The following ATP8B2 variants were observed in gnomAD, a reference collection of about 807,000 sequenced individuals.
ATP8B2 encodes phospholipid-transporting ATPase ID.
ATP8B2 carries 70 observed loss-of-function variants against 133.4 expected under a neutral mutation model. The ratio of observed to expected loss-of-function variants is 0.52; its 90% confidence interval spans 0.43 to 0.64. The LOEUF (loss-of-function observed/expected upper bound fraction) is 0.64, where lower values mean the gene tolerates loss of function less well. Among genes scored for constraint, ATP8B2 ranks in the 30% least tolerant of loss-of-function variants. The probability of loss-of-function intolerance (pLI) is 0.00; values close to 1 mark genes in which losing one functional copy is unlikely to be tolerated. For missense variants in ATP8B2, 1,101 were observed against 1,535.7 expected (o/e 0.72, Z 4.73); for synonymous variants, 517 against 589.5 (o/e 0.88, Z 1.78).
Position 154,330,828 on chromosome 1 carries a change from A to G in ATP8B2, c.104A>G (p.Lys35Arg). 1 of 1,613,972 alleles carries G rather than the reference A, an allele frequency of 6.2e-7. No homozygotes were observed. Among genetic ancestry groups the G allele is most frequent in the Non-Finnish European group, 8.5e-7 (1 of 1,179,856 alleles). ...EKFQYASNCI[K>R]TSKYNILTFL... Reference sequence around the variant, plus strand: ...CTACTGCCATAGAGTAACTGCATCAAGACCTCCAAGTACAATATTCTCACC... The same window carrying G: ...CTACTGCCATAGAGTAACTGCATCAGGACCTCCAAGTACAATATTCTCACC... The change falls in exon 4 of 28, where the codon AAG (lysine) becomes AGG (arginine). Residue 35 changes from lysine (K) to arginine (R), a missense_variant. Transcript: ENST00000368489.
chr1:154,337,569 T>C (rs760369867), intron 12 of ATP8B2, 25 bp downstream of exon 12: 3 of 1,614,148 alleles, frequency 1.9e-6, no homozygotes, highest in Non-Finnish European at 2.5e-6. Context: ...TGACCTGGGG[T>C]CTCTCCAGGG....
chr1:154,341,791 CA>C (rs5777908), intron 13 of ATP8B2: 64,996 of 142,026 alleles, frequency 0.46, 14,230 homozygotes, highest in African/African-American at 0.47. Context: ...GAAAGTCTAT[CA>C]AAAAAAAAAA....
rs1056935749 is a variant in ATP8B2 at position 154,334,381 on chromosome 1, C to T, written c.748+116C>T. 12 of 1,521,114 alleles carry T rather than the reference C, an allele frequency of 7.9e-6. No individual in the cohort carries two copies. In the East Asian group the frequency reaches 9.0e-5, roughly 11 times the overall value. 94.2% of individuals were successfully genotyped at this position (1,521,114 alleles called of 1,614,324 possible). A position where few individuals can be genotyped will look rare whatever the true frequency, so the allele number is the denominator to read the frequency against. ...GGTAAAAAACCTCCAGCTGTGTATACAGGCTTCTTATCTAGCCAGTATCTC... is the reference window on the plus strand; with the variant it reads ...GGTAAAAAACCTCCAGCTGTGTATATAGGCTTCTTATCTAGCCAGTATCTC... On this transcript the variant is annotated intron_variant, in intron 10 of 27. Transcript: ENST00000368489. This position sits in a 1 kb window ranked among gnomAD's most constrained non-coding sequence, Gnocchi z 4.6.
rs890910998 is a variant in ATP8B2 at position 154,343,033 on chromosome 1, G to A, written c.1453+72G>A. The A allele has an allele frequency of 5.3e-5, 84 of 1,596,444 alleles. No homozygotes were observed. Among genetic ancestry groups the A allele is most frequent in the Non-Finnish European group, 6.9e-5 (81 of 1,169,924 alleles). ...TGGGCTCTGCTCTGCTCTGCAATGC[G>A]GCTGGGCTGGGGCTTCCTGGGCGGG... On this transcript the variant is annotated intron_variant, in intron 15 of 27. Transcript: ENST00000368489. The surrounding 1 kb of genome is among the most constrained non-coding windows in gnomAD (Gnocchi z 5.8).
Position 154,334,244 on chromosome 1 carries a change from T to C in ATP8B2, c.727T>C (p.Phe243Leu), listed in dbSNP as rs376365867. ...TGTGCTGCGAAACACCGAGTGGTGC[T>C]TCGGGCTGGTCATCTTTGCAGGTGA... Reference protein sequence around the residue: ...GCVLRNTEWCFGLVIFAGPDT... With the variant: ...GCVLRNTEWCLGLVIFAGPDT... The change falls in exon 10 of 28, where the codon TTC becomes CTC. Residue 243 changes from phenylalanine (F) to leucine (L), a missense_variant. Physicochemically the swap from Phe to Leu is conservative, Grantham distance 22 (BLOSUM62 0). Coordinates refer to ENST00000368489, the MANE Select transcript of ATP8B2 (RefSeq NM_001370597.1). This position sits in a 1 kb window ranked among gnomAD's most constrained non-coding sequence, Gnocchi z 4.6. The C allele has an allele frequency of 1.9e-6, 3 of 1,614,140 alleles. No homozygotes were observed. Among genetic ancestry groups the C allele is most frequent in the Non-Finnish European group, 2.5e-6 (3 of 1,180,008 alleles).
At chr1:154,342,763 A>C (rs2149172395) in intron 14 of ATP8B2, 33 bp from the exon 15 acceptor site, 2 of 1,608,664 alleles carry the variant, frequency 1.2e-6, no homozygotes, top group East Asian at 4.5e-5. Flanking sequence ...CTGGCACTCT[A>C]GCCTTTCCTA....
intron 12 of ATP8B2, among the ~76,000 whole-genome samples, chr1:154,339,596 G>GAGC (rs1162011901): frequency 3.3e-5 from 5 of 152,138 alleles, no homozygotes; most frequent in Non-Finnish European, 7.4e-5. Context: ...AAGCCCTTGG[G>GAGC]AGCAGCTAAA....
chr1:154,348,256 T>C (rs1246588277), intron 26 of ATP8B2, 152 bp from the exon 27 acceptor site: 2 of 823,828 alleles, frequency 2.4e-6, no homozygotes, highest in Non-Finnish European at 3.5e-6. Context: ...TGGAGCTAAA[T>C]TTGGAGATTT....
In ATP8B2 at chr1:154,328,007, G is replaced by A. The variant is rs576346595; in HGVS notation, c.-37-98G>A. 1.3e-6 allele frequency: 2 copies of A among 1,511,490 alleles called. No homozygotes were observed. The highest frequency in any genetic ancestry group is 1.4e-5 in the African/African-American group (1 of 72,758). The allele number at this position is 1,511,490 out of a possible 1,614,324, so 93.6% of individuals were successfully genotyped here. A position where few individuals can be genotyped will look rare whatever the true frequency, so the allele number is the denominator to read the frequency against. On this transcript the variant is annotated intron_variant, in intron 1 of 27. Coordinates refer to ENST00000368489, the MANE Select transcript of ATP8B2 (RefSeq NM_001370597.1). The surrounding 1 kb of genome is among the most constrained non-coding windows in gnomAD (Gnocchi z 4.6). Reference sequence around the variant, plus strand: ...AGAAGGAGGCTGGGGGAGGGGCAGGGTCAGAGCTGGAGAAGAGGGTCTTCA... The same window carrying A: ...AGAAGGAGGCTGGGGGAGGGGCAGGATCAGAGCTGGAGAAGAGGGTCTTCA...
In ATP8B2 at chr1:154,337,558, C is replaced by G; in HGVS notation, c.1034+14C>G. ...ACTCTATGTCAGGTATGTGCCTTCTCTGACCTGGGGTCTCTCCAGGGAGTC... is the reference window on the plus strand; with the variant it reads ...ACTCTATGTCAGGTATGTGCCTTCTGTGACCTGGGGTCTCTCCAGGGAGTC... On this transcript the variant is annotated intron_variant, in intron 12 of 27. Coordinates refer to ENST00000368489, the MANE Select transcript of ATP8B2 (RefSeq NM_001370597.1). 6.2e-7 allele frequency: 1 copy of G among 1,614,216 alleles called. No individual in the cohort carries two copies. Among genetic ancestry groups the G allele is most frequent in the South Asian group, 1.1e-5 (1 of 91,082 alleles).
At position 154,331,802 on chromosome 1, in the gene ATP8B2, G is replaced by C; in HGVS notation, c.438+124G>C. 1 of 1,301,580 alleles carries C rather than the reference G, an allele frequency of 7.7e-7. No homozygotes were observed. The highest frequency in any genetic ancestry group is 2.3e-5 in the East Asian group (1 of 43,170). 80.6% of individuals were successfully genotyped at this position (1,301,580 alleles called of 1,614,324 possible). On this transcript the variant is annotated intron_variant, in intron 7 of 27. Coordinates refer to ENST00000368489, the MANE Select transcript of ATP8B2 (RefSeq NM_001370597.1). This position sits in a 1 kb window ranked among gnomAD's most constrained non-coding sequence, Gnocchi z 4.8. ...GTGGCAGGAATCTTTCTCACACCAGGGGCTTCTGTGTCATGCTGATATGCC... is the reference window on the plus strand; with the variant it reads ...GTGGCAGGAATCTTTCTCACACCAGCGGCTTCTGTGTCATGCTGATATGCC...
Position 154,328,517 on chromosome 1 carries a change from G to A in ATP8B2, c.31+345G>A, listed in dbSNP as rs1043939602. Among the ~76,000 whole-genome samples the A allele has an allele frequency of 1.3e-5, 2 of 152,130 alleles. No individual in the cohort carries two copies. The highest frequency in any genetic ancestry group is 2.9e-5 in the Non-Finnish European group (2 of 68,026). On this transcript the variant is annotated intron_variant, in intron 2 of 27. Transcript: ENST00000368489. This position sits in a 1 kb window ranked among gnomAD's most constrained non-coding sequence, Gnocchi z 4.6. ...GCTCCCCTCGTTTTTCCATCTACCG[G>A]TTCTCCTGGTTTTTCCGCGGGCGGG...
At position 154,330,358 on chromosome 1, in the gene ATP8B2, A is replaced by G. The variant is rs200631375; in HGVS notation, c.32-38A>G. ...CCAGCAAAGTGTTGGTCCAGACCTC[A>G]GTTTGCTCCTCCTGACTGCAGCATC... is the stretch of plus-strand genomic sequence containing the variant. On this transcript the variant is annotated intron_variant, in intron 2 of 27. Transcript: ENST00000368489. 1.3e-5 allele frequency: 20 copies of G among 1,572,148 alleles called. 1 individual carries two copies. In the Admixed American group the frequency reaches 3.2e-4, roughly 26 times the overall value.
intron 13 of ATP8B2, 37 bp from the exon 14 acceptor site, chr1:154,342,443 C>T (rs756957283): frequency 6.2e-7 from 1 of 1,607,932 alleles, no homozygotes; most frequent in Non-Finnish European, 8.5e-7. Flanking sequence ...CTCTCTGGCT[C>T]TGACATTGCT....
At position 154,341,388 on chromosome 1, in the gene ATP8B2, G is replaced by A. The variant is rs143547246; in HGVS notation, c.1243+326G>A. 2.8e-3 allele frequency: 1,102 copies of A among 387,950 alleles called. 13 individuals are homozygous for A. The highest frequency in any genetic ancestry group is 0.017 in the East Asian group (279 of 16,892). The allele number at this position is 387,950 out of a possible 1,614,324, so 24.0% of individuals were successfully genotyped here. On this transcript the variant is annotated intron_variant, in intron 13 of 27. Transcript: ENST00000368489. Reference sequence around the variant, plus strand: ...TGGTCTCAGCTGGCCAGTGACTCAGGAGGCTGAGATGGGAGGATCACTTGA... The same window carrying A: ...TGGTCTCAGCTGGCCAGTGACTCAGAAGGCTGAGATGGGAGGATCACTTGA...
chr1:154,337,617 G>C, intron 12 of ATP8B2, 73 bp downstream of exon 12: 1 of 1,614,116 alleles, frequency 6.2e-7, no homozygotes. Flanking sequence ...TTTCTATGAA[G>C]ATGAAGTCCT....
Position 154,345,652 on chromosome 1 carries a change from A to G in ATP8B2, c.2694+107A>G, listed in dbSNP as rs1686557149. The G allele has an allele frequency of 1.5e-6, 2 of 1,328,304 alleles. No individual in the cohort carries two copies. The highest frequency in any genetic ancestry group is 2.9e-5 in the African/African-American group (2 of 68,088). 82.3% of individuals were successfully genotyped at this position (1,328,304 alleles called of 1,614,324 possible). A position where few individuals can be genotyped will look rare whatever the true frequency, so the allele number is the denominator to read the frequency against. ...CCAGGGCCTAGCTATTTTCTGGTAC[A>G]TACTCTTAAAAAATGCTTATTAAAG... On this transcript the variant is annotated intron_variant, in intron 23 of 27. Transcript: ENST00000368489. This position sits in a 1 kb window ranked among gnomAD's most constrained non-coding sequence, Gnocchi z 5.6.
rs1369871269 is a variant in ATP8B2, at chr1:154,346,817, G to A, written c.3163+59G>A. ...AATCACAGCTGTTCTGGGACTAACA[G>A]GACCATCAGCTAATCTGCACATTCA... On this transcript the variant is annotated intron_variant, in intron 26 of 27. Transcript: ENST00000368489. This position sits in a 1 kb window ranked among gnomAD's most constrained non-coding sequence, Gnocchi z 4.5. The A allele has an allele frequency of 6.4e-7, 1 of 1,572,506 alleles. No homozygotes were observed. Among genetic ancestry groups the A allele is most frequent in the Non-Finnish European group, 8.7e-7 (1 of 1,149,288 alleles).
In ATP8B2 at chr1:154,340,656, C is replaced by A. The variant is rs995947049; in HGVS notation, c.1035-198C>A. 4 of 608,502 alleles carry A rather than the reference C, an allele frequency of 6.6e-6. No homozygotes were observed. The highest frequency in any genetic ancestry group is 2.0e-5 in the South Asian group (1 of 49,544). 37.7% of individuals were successfully genotyped at this position (608,502 alleles called of 1,614,324 possible). On this transcript the variant is annotated intron_variant, in intron 12 of 27. Transcript: ENST00000368489. The surrounding 1 kb of genome is among the most constrained non-coding windows in gnomAD (Gnocchi z 4.0). Reference sequence around the variant, plus strand: ...CTGGAGAGCATCAGGAGGGTCGGGTCGGGGCGTTCCTCTGCTGGCTGTGTG... The same window carrying A: ...CTGGAGAGCATCAGGAGGGTCGGGTAGGGGCGTTCCTCTGCTGGCTGTGTG...
Sources: allele counts gnomAD v4.1 joint callset (sites outside exome capture counted in the v4.1 genomes callset), GRCh38; gene constraint gnomAD v4.1.1; non-coding constraint Gnocchi (gnomAD v3.1); transcripts MANE v1.5; gene names NCBI Gene and HGNC (gene_info 2026-07-23, HGNC 2026-07-21).